The following SEMA3A variants were observed in gnomAD, a reference collection of about 807,000 sequenced individuals.
SEMA3A encodes semaphorin 3A, also known as semaphorin-3A.
In SEMA3A, 29 loss-of-function variants were observed where a neutral mutation model predicts 97.9. The ratio of observed to expected loss-of-function variants is 0.30; its 90% CI spans 0.22 to 0.40. The LOEUF is 0.40. SEMA3A is among the 10% of genes least tolerant of loss of function. SEMA3A has a pLI of 1.00. For synonymous variants in SEMA3A, 321 were observed against 323.7 expected (o/e 0.99, Z 0.09); for missense variants, 763 against 951.3 (o/e 0.80, Z 2.60).
chr7:84,330,200 C>T (rs981088128), intron 2 of SEMA3A, among the ~76,000 whole-genome samples: 2 of 151,882 alleles, frequency 1.3e-5, no homozygotes, highest in Non-Finnish European at 2.9e-5. Flanking sequence ...TGTCTCGTTG[C>T]TCATTTTAAC....
chr7:84,263,896 T>TATA (rs1262960007), intron 3 of SEMA3A, among the ~76,000 whole-genome samples: 2 of 152,214 alleles, frequency 1.3e-5, no homozygotes, highest in Non-Finnish European at 2.9e-5. Context: ...AACTTTTCTT[T>TATA]ATAGAGTTAC....
intron 3 of SEMA3A, among the ~76,000 whole-genome samples, chr7:84,238,829 C>T (rs1799294707): frequency 6.6e-6 from 1 of 152,052 alleles, no homozygotes; most frequent in Admixed American, 6.5e-5. Context: ...ATTCCCCTGA[C>T]TCAGCCTCCC....
At chr7:84,051,916 A>T (rs1304976554) in intron 5 of SEMA3A, among the ~76,000 whole-genome samples, 6 of 150,038 alleles carry the variant, frequency 4.0e-5, no homozygotes, top group Admixed American at 3.3e-4. Flanking sequence ...AGTTTTTAGC[A>T]TGAAGGGTTG....
At chr7:84,205,960 C>T (rs564423746) in intron 3 of SEMA3A, among the ~76,000 whole-genome samples, 1 of 152,218 alleles carries the variant, frequency 6.6e-6, no homozygotes, top group African/African-American at 2.4e-5. Flanking sequence ...CAAACTTAGG[C>T]TTCAGTCTAC....
chr7:84,225,598 T>C (rs1031425918), intron 3 of SEMA3A, among the ~76,000 whole-genome samples: 1 of 152,118 alleles, frequency 6.6e-6, no homozygotes, highest in African/African-American at 2.4e-5. Flanking sequence ...AAAGAAGTTG[T>C]TTTTAATATC....
At chr7:84,281,156 A>AT (rs1800430440) in intron 3 of SEMA3A, among the ~76,000 whole-genome samples, 1 of 152,144 alleles carries the variant, frequency 6.6e-6, no homozygotes, top group Non-Finnish European at 1.5e-5. Flanking sequence ...AGCCATTAGT[A>AT]TTTTTTTCTA....
chr7:83,957,600 T>A lies in SEMA3A; in HGVS notation c.*3771A>T, dbSNP rs1788320604. ...TATGGGCTGTCACATATGCTGATTT[T>A]ATTCTCTCTTTCATTTAGATATTTT... is the stretch of plus-strand genomic sequence containing the variant. On this transcript the variant is annotated 3_prime_UTR_variant, in exon 17 of 17. Transcript: ENST00000265362. The A allele has an allele frequency of 6.6e-6, 1 of 152,132 alleles. No individual in the cohort carries two copies. Among genetic ancestry groups the A allele is most frequent in the African/African-American group, 2.4e-5 (1 of 41,456 alleles). 9.4% of individuals were successfully genotyped at this position (152,132 alleles called of 1,614,324 possible).
intron 3 of SEMA3A, among the ~76,000 whole-genome samples, chr7:84,230,996 CA>C (rs1195509947): frequency 6.6e-6 from 1 of 152,014 alleles, no homozygotes; most frequent in East Asian, 1.9e-4. Flanking sequence ...TCTGTATGCA[CA>C]ATCATTTGGG....
rs1562945573 is a variant in SEMA3A at position 84,430,789 on chromosome 7, T to TGTG, written c.-245-58890_-245-58889insCAC. ...CTTCTATACCTACACAACATAAAAT[T>TGTG]TGTGTGTGTGTGTGTGTGTGTGTGT... On this transcript the variant is annotated intron_variant, in intron 1 of 3. Coordinates refer to the SEMA3A transcript ENST00000424555. 9.3e-3 allele frequency among the ~76,000 whole-genome samples: 1,340 copies of TGTG among 143,418 alleles called. 60 individuals are homozygous for TGTG. In the East Asian group the frequency reaches 0.14, roughly 15 times the overall value. The allele number at this position is 143,418 out of a possible 152,430, so 94.1% of individuals were successfully genotyped here.
intron 3 of SEMA3A, among the ~76,000 whole-genome samples, chr7:84,271,698 ACCATGACTC>A (rs548733167): frequency 3.9e-5 from 6 of 152,182 alleles, no homozygotes; most frequent in African/African-American, 1.4e-4. Context: ...TTATGTTGCA[ACCATGACTC>A]CCTTTTTAAA....
chr7:83,995,749 C>T (rs1194080465), intron 12 of SEMA3A, among the ~76,000 whole-genome samples: 1 of 152,034 alleles, frequency 6.6e-6, no homozygotes, highest in African/African-American at 2.4e-5. Context: ...TTCTATGTTC[C>T]AATTTACAAT....
At chr7:84,370,416 T>C (rs1324575454) in intron 2 of SEMA3A, among the ~76,000 whole-genome samples, 2 of 151,610 alleles carry the variant, frequency 1.3e-5, no homozygotes, top group East Asian at 3.9e-4. Flanking sequence ...CAGATTTATA[T>C]AGTTTAGCAG....
chr7:84,298,378 C>T (rs73384887), intron 3 of SEMA3A, among the ~76,000 whole-genome samples: 3,877 of 152,140 alleles, frequency 0.025, 171 homozygotes, highest in African/African-American at 0.089. Flanking sequence ...AACAAATAAA[C>T]AAACAAATAT....
At chr7:84,068,532 A>G (rs113007647) in intron 4 of SEMA3A, among the ~76,000 whole-genome samples, 1 of 152,062 alleles carries the variant, frequency 6.6e-6, no homozygotes, top group East Asian at 1.9e-4. Flanking sequence ...ATATTAAAAT[A>G]TGTATATGCG....
intron 4 of SEMA3A, among the ~76,000 whole-genome samples, chr7:84,097,040 G>A (rs562253509): frequency 2.6e-5 from 4 of 152,148 alleles, no homozygotes; most frequent in Non-Finnish European, 5.9e-5. Context: ...TAAGGGCAAA[G>A]GTTACAATTG....
intron 6 of SEMA3A, among the ~76,000 whole-genome samples, chr7:84,037,948 A>C (rs1487322459): frequency 6.6e-6 from 1 of 151,996 alleles, no homozygotes; most frequent in East Asian, 1.9e-4. Context: ...GTTTATTTTA[A>C]GGGCATCTAG....
chr7:84,066,397 CAT>C (rs948562984), intron 4 of SEMA3A, among the ~76,000 whole-genome samples: 3 of 147,572 alleles, frequency 2.0e-5, no homozygotes, highest in African/African-American at 7.6e-5. Flanking sequence ...TCCTATTCAA[CAT>C]AGTGTTCGAA....
intron 1 of SEMA3A, among the ~76,000 whole-genome samples, chr7:84,171,956 A>G (rs1797395694): frequency 6.6e-6 from 1 of 152,186 alleles, no homozygotes; most frequent in African/African-American, 2.4e-5. Context: ...ATTAACTTAT[A>G]AGTTCAAGTG....
At chr7:84,082,315 A>G (rs1794193083) in intron 4 of SEMA3A, among the ~76,000 whole-genome samples, 1 of 152,182 alleles carries the variant, frequency 6.6e-6, no homozygotes, top group African/African-American at 2.4e-5. Context: ...CTAGCTACAG[A>G]GCTACACGGC....
Sources: allele counts gnomAD v4.1 joint callset (sites outside exome capture counted in the v4.1 genomes callset), GRCh38; gene constraint gnomAD v4.1.1; transcripts MANE v1.5; gene names NCBI Gene and HGNC (gene_info 2026-07-23, HGNC 2026-07-21).